FGGY: variants seen among roughly 807,000 people sequenced by gnomAD.
FGGY encodes FGGY carbohydrate kinase domain containing.
FGGY carries 72 observed loss-of-function variants against 71.3 expected under a neutral mutation model. The ratio of observed to expected loss-of-function variants is 1.01; its 90% CI spans 0.84 to 1.23. The LOEUF (loss-of-function observed/expected upper bound fraction) is 1.23. Among genes scored for constraint, FGGY ranks in the 50% most tolerant of loss-of-function variants. The probability of loss-of-function intolerance (pLI) is 0.00; values close to 1 mark genes in which losing one functional copy is unlikely to be tolerated. For missense variants in FGGY, 668 were observed against 682.3 expected, an observed-to-expected ratio of 0.98 and a Z score of 0.23; for synonymous variants, 251 against 250.3, an observed-to-expected ratio of 1.00 and a Z score of -0.02.
intron 4 of FGGY, among the ~76,000 whole-genome samples, chr1:59,368,027 CTTTTT>C (rs2056874615): frequency 6.6e-6 from 1 of 152,134 alleles, no homozygotes; most frequent in Non-Finnish European, 1.5e-5. Flanking sequence ...AATCACTTTT[CTTTTT>C]TTCTTGAAAA....
At position 59,499,689 on chromosome 1, in the gene FGGY, T is replaced by C. The variant is rs1487868043; in HGVS notation, c.671-12622T>C. On this transcript the variant is annotated intron_variant, in intron 6 of 15. Transcript: ENST00000303721. ...TTTCTTCATATGTTTGAGATATTTC[T>C]GGCTTTGGTGAAACATAGGCTAGGA... is the stretch of plus-strand genomic sequence containing the variant. 4.6e-5 allele frequency among the ~76,000 whole-genome samples: 7 copies of C among 152,224 alleles called. 1 individual carries two copies. The East Asian group carries it at 1.3e-3, about 29-fold the overall frequency.
At chr1:59,626,358 TAATA>T (rs1361474212) in intron 10 of FGGY, 4 of 274,682 alleles carry the variant, frequency 1.5e-5, no homozygotes, top group Middle Eastern at 1.1e-3. Context: ...CCATACTCCT[TAATA>T]GATACAGGAC....
intron 11 of FGGY, among the ~76,000 whole-genome samples, chr1:59,656,170 C>T (rs567709654): frequency 2.0e-5 from 3 of 152,124 alleles, no homozygotes; most frequent in Non-Finnish European, 2.9e-5. Flanking sequence ...ACTCTCACAT[C>T]GGGCTTCCCT....
intron 6 of FGGY, among the ~76,000 whole-genome samples, chr1:59,498,322 C>T (rs1306621349): frequency 6.6e-6 from 1 of 152,208 alleles, no homozygotes; most frequent in Non-Finnish European, 1.5e-5. Context: ...AAAATTCACA[C>T]ATCCAATACA....
intron 7 of FGGY, among the ~76,000 whole-genome samples, chr1:59,517,919 C>A (rs926626203): frequency 6.6e-6 from 1 of 152,218 alleles, no homozygotes; most frequent in Non-Finnish European, 1.5e-5. Flanking sequence ...CTTATTTCTG[C>A]AGGAGCAAAA....
intron 14 of FGGY, among the ~76,000 whole-genome samples, chr1:59,708,178 C>T (rs1235112525): frequency 6.6e-6 from 1 of 152,176 alleles, no homozygotes; most frequent in African/African-American, 2.4e-5. Flanking sequence ...GGAGGGACTG[C>T]AATGTGTTAG....
At chr1:59,451,710 C>T (rs1265621692) in intron 5 of FGGY, among the ~76,000 whole-genome samples, 1 of 152,070 alleles carries the variant, frequency 6.6e-6, no homozygotes, top group Non-Finnish European at 1.5e-5. Context: ...TATGAGTTTA[C>T]TTTTTGAATC....
intron 6 of FGGY, among the ~76,000 whole-genome samples, chr1:59,496,408 A>G (rs1332671522): frequency 2.0e-5 from 3 of 152,196 alleles, no homozygotes; most frequent in Non-Finnish European, 2.9e-5. Context: ...CCATTATCCT[A>G]AGCAAACTAA....
At chr1:59,562,747 T>C (rs1052964543) in intron 8 of FGGY, among the ~76,000 whole-genome samples, 8 of 152,148 alleles carry the variant, frequency 5.3e-5, no homozygotes, top group Admixed American at 1.3e-4. Flanking sequence ...AATCATGAAA[T>C]GGGCACAACA....
At chr1:59,368,618 G>C (rs2056981534) in intron 4 of FGGY, among the ~76,000 whole-genome samples, 1 of 152,214 alleles carries the variant, frequency 6.6e-6, no homozygotes, top group Admixed American at 6.5e-5. Context: ...GTGGTTACAA[G>C]TAGAGAATTA....
intron 6 of FGGY, among the ~76,000 whole-genome samples, chr1:59,476,710 A>G (rs2093281119): frequency 2.0e-5 from 3 of 152,268 alleles, no homozygotes; most frequent in Non-Finnish European, 2.9e-5. Flanking sequence ...TACCTGCCCA[A>G]TGTCAAAATA....
intron 4 of FGGY, among the ~76,000 whole-genome samples, chr1:59,364,357 T>C (rs369141775): frequency 3.3e-5 from 5 of 152,238 alleles, no homozygotes; most frequent in African/African-American, 1.2e-4. Flanking sequence ...CTGGCTTGCC[T>C]AGAATATGTC....
chr1:59,652,805 TTCCTTTGGAGGAGGAGAGACGC>T, intron 11 of FGGY, among the ~76,000 whole-genome samples: 1 of 152,232 alleles, frequency 6.6e-6, no homozygotes, highest in East Asian at 1.9e-4. Context: ...AGGAACTGCG[TTCCTTTGGAGGAGGAGAGACGC>T]TCTGCGTTTT....
chr1:59,650,093 A>T (rs2097141974), intron 11 of FGGY, among the ~76,000 whole-genome samples: 1 of 148,584 alleles, frequency 6.7e-6, no homozygotes, highest in South Asian at 2.1e-4. Context: ...GATCCCAGGG[A>T]TGAAGCCCAC....
intron 7 of FGGY, among the ~76,000 whole-genome samples, chr1:59,549,213 C>G (rs543471674): frequency 3.9e-5 from 6 of 152,310 alleles, no homozygotes; most frequent in African/African-American, 1.4e-4. Flanking sequence ...AGCCCTTCCT[C>G]TCCAGGAACT....
chr1:59,376,240 A>G (rs977065858), intron 4 of FGGY, among the ~76,000 whole-genome samples: 5 of 152,212 alleles, frequency 3.3e-5, no homozygotes, highest in Non-Finnish European at 5.9e-5. Flanking sequence ...TAACATTAAC[A>G]TCTTAGAATG....
chr1:59,638,369 G>A lies in FGGY; in HGVS notation c.1215G>A (p.Lys405=), dbSNP rs772418606. ...NRSPLADLTL[K]GMVTGLKLSQ... ...CTCCCTTAGCAGATCTGACACTAAAGGGCATGGTAAGTAACAGCTAGTCCT... is the reference window on the plus strand; with the variant it reads ...CTCCCTTAGCAGATCTGACACTAAAAGGCATGGTAAGTAACAGCTAGTCCT... Residue 405 remains lysine (K), a synonymous_variant, in exon 11 of 16, where the codon AAG becomes AAA. Coordinates refer to ENST00000303721, the MANE Select transcript of FGGY (RefSeq NM_018291.5). 1.9e-6 allele frequency: 3 copies of A among 1,614,206 alleles called. No homozygotes were observed. The highest frequency in any genetic ancestry group is 1.7e-6 in the Non-Finnish European group (2 of 1,180,040).
intron 14 of FGGY, chr1:59,699,186 G>T: frequency 1.0e-6 from 1 of 985,238 alleles, no homozygotes; most frequent in African/African-American, 1.7e-5. Context: ...GTCCCTCAGT[G>T]TAAATGTTAG....
chr1:59,458,821 G>GT (rs1282131851), intron 6 of FGGY, among the ~76,000 whole-genome samples: 2 of 152,150 alleles, frequency 1.3e-5, no homozygotes, highest in African/African-American at 4.8e-5. Context: ...TGAGCTTGTA[G>GT]TTTCAGTCTG....
Sources: gnomAD v4.1 joint callset for allele counts (sites outside exome capture counted in the v4.1 genomes callset) on GRCh38, gnomAD v4.1.1 for gene constraint, MANE v1.5 for transcripts, NCBI Gene and HGNC (gene_info 2026-07-23, HGNC 2026-07-21) for gene names.